SGO1: variants seen among roughly 807,000 people sequenced by gnomAD.
SGO1 encodes serologically defined breast cancer antigen NY-BR-85.
Under a neutral mutation model 50.5 loss-of-function variants are expected in SGO1, and 39 were observed. The ratio of observed to expected loss-of-function variants is 0.77; its 90% CI spans 0.60 to 1.01. SGO1 has a LOEUF of 1.01. Among genes scored for constraint, SGO1 ranks in the 50% least tolerant of loss-of-function variants. The pLI, the probability that SGO1 is intolerant of heterozygous loss-of-function variation, is 0.00. For missense variants in SGO1, 638 were observed against 606.0 expected (o/e 1.05, Z -0.55); for synonymous variants, 191 against 205.1 (o/e 0.93, Z 0.59).
chr3:20,171,638 CTTTG>C (rs1393270523), intron 6 of SGO1, among the ~76,000 whole-genome samples: 1 of 152,144 alleles, frequency 6.6e-6, no homozygotes, highest in Non-Finnish European at 1.5e-5. Context: ...GGCATAATAA[CTTTG>C]TTTAACCATG....
chr3:20,171,042 C>G lies in SGO1; in HGVS notation c.1472+1G>C, dbSNP rs760014774. 14 of 1,578,696 alleles carry G rather than the reference C, an allele frequency of 8.9e-6. No homozygotes were observed. Among genetic ancestry groups the G allele is most frequent in the East Asian group, 2.3e-5 (1 of 44,162 alleles). ...TAAGTTCCCACAAACCAAATACTTA[C>G]GAAGCGAGGGTGGGCTCCTTATAGT... On this transcript the variant is annotated splice_donor_variant, in intron 7 of 7. Transcript: ENST00000412997. LOFTEE classifies it high-confidence loss of function.
chr3:20,173,841 G>A (rs1057007686), intron 6 of SGO1, among the ~76,000 whole-genome samples: 3 of 152,098 alleles, frequency 2.0e-5, no homozygotes, highest in East Asian at 1.9e-4. Flanking sequence ...TTTAAATCAC[G>A]GTTCCTGTCA....
rs181960515 is a variant in SGO1 at position 20,181,142 on chromosome 3, G to C, written c.339+2466C>G. 1.1e-3 allele frequency among the ~76,000 whole-genome samples: 167 copies of C among 152,272 alleles called. 1 individual carries two copies. Among genetic ancestry groups the C allele is most frequent in the African/African-American group, 3.5e-3 (147 of 41,560 alleles). On this transcript the variant is annotated intron_variant, in intron 3 of 7. Transcript: ENST00000412997. ...ACTGCACCCCAGGCTGGGTAAGAGC[G>C]AGACTCTGTCCACCCCCAACCTACC...
chr3:20,179,886 A>G (rs1701815256), intron 3 of SGO1, among the ~76,000 whole-genome samples: 1 of 152,210 alleles, frequency 6.6e-6, no homozygotes, highest in Admixed American at 6.5e-5. Context: ...CCTGTTTTGC[A>G]TATTATTACT....
At chr3:20,179,227 A>C (rs1242812164) in intron 3 of SGO1, among the ~76,000 whole-genome samples, 1 of 152,156 alleles carries the variant, frequency 6.6e-6, no homozygotes. Flanking sequence ...TCTGTGGGGG[A>C]GACAAGGGGA....
At chr3:20,185,457 C>CACA (rs1702536013) in intron 1 of SGO1, among the ~76,000 whole-genome samples, 1 of 152,016 alleles carries the variant, frequency 6.6e-6, no homozygotes, top group African/African-American at 2.4e-5. Context: ...AAAGACAGAC[C>CACA]ACAGCGCGAG....
intron 5 of SGO1, 71 bp from the exon 6 acceptor site, chr3:20,175,126 A>C (rs2125310453): frequency 1.6e-5 from 21 of 1,332,650 alleles, no homozygotes; most frequent in Non-Finnish European, 2.0e-5. Flanking sequence ...GAACTTTAGA[A>C]TTCAAACTAA....
intron 6 of SGO1, among the ~76,000 whole-genome samples, chr3:20,172,501 CAAAA>C (rs60237637): frequency 3.9e-5 from 4 of 102,550 alleles, no homozygotes; most frequent in Middle Eastern, 6.1e-3. Flanking sequence ...AACTCTGTTT[CAAAA>C]AAAAAAAAAA....
intron 8 of SGO1, among the ~76,000 whole-genome samples, chr3:20,161,471 G>C (rs1700036427): frequency 2.6e-5 from 4 of 152,144 alleles, no homozygotes. Context: ...ACCAAGGATA[G>C]AATGAGTGAA....
Position 20,174,927 on chromosome 3 carries a change from T to C in SGO1, c.604A>G (p.Ile202Val), listed in dbSNP as rs747643420. 6.8e-6 allele frequency: 11 copies of C among 1,614,098 alleles called. No individual in the cohort carries two copies. Among genetic ancestry groups the C allele is most frequent in the Middle Eastern group, 1.7e-4 (1 of 6,060 alleles). Reference protein sequence around the residue: ...RSSLKKHCNSICQFDSLDDFE... With the variant: ...RSSLKKHCNSVCQFDSLDDFE... ...TCATCCAAGCTATCAAACTGACATATACTGTTACAATGTTTCTTTAAACTG... is the reference window on the plus strand; with the variant it reads ...TCATCCAAGCTATCAAACTGACATACACTGTTACAATGTTTCTTTAAACTG... Residue 202 changes from isoleucine (I) to valine (V), a missense_variant, in exon 6 of 8, where the codon ATA (isoleucine) becomes GTA (valine). By Grantham distance (29) the Ile-to-Val change is conservative. Transcript: ENST00000412997.
At chr3:20,178,748 A>C (rs1701679308) in intron 3 of SGO1, among the ~76,000 whole-genome samples, 1 of 152,188 alleles carries the variant, frequency 6.6e-6, no homozygotes, top group Non-Finnish European at 1.5e-5. Context: ...AAATACACAT[A>C]AGAAAAATCT....
At position 20,171,112 on chromosome 3, in the gene SGO1, C is replaced by T; in HGVS notation, c.1403G>A (p.Ser468Asn). The T allele has an allele frequency of 6.2e-7, 1 of 1,613,272 alleles. No individual in the cohort carries two copies. Among genetic ancestry groups the T allele is most frequent in the Non-Finnish European group, 8.5e-7 (1 of 1,179,756 alleles). Residue 468 changes from serine (S) to asparagine (N), a missense_variant, in exon 7 of 8, where the codon AGC becomes AAC. Transcript: ENST00000412997. ...LSLSPKKNKA[S>N]PAVALPKRRC... ...ACGTTTAGGCAGAGCCACTGCTGGG[C>T]TTGCTTTATTCTTTTTTGGAGAAAG... is the stretch of plus-strand genomic sequence containing the variant.
At chr3:20,162,378 T>C (rs1700082273) in intron 8 of SGO1, among the ~76,000 whole-genome samples, 1 of 152,176 alleles carries the variant, frequency 6.6e-6, no homozygotes, top group Admixed American at 6.5e-5. Context: ...CACATCTTCG[T>C]ACTGGGGGTA....
chr3:20,169,233 T>A, downstream of SGO1: 1 of 985,250 alleles, frequency 1.0e-6, no homozygotes, highest in Non-Finnish European at 1.2e-6. Flanking sequence ...TATAATTTGT[T>A]AATCATGAAC....
intron 1 of SGO1, 81 bp from the exon 2 acceptor site, chr3:20,184,115 T>C (rs1283303585): frequency 7.2e-6 from 8 of 1,106,868 alleles, no homozygotes; most frequent in Non-Finnish European, 1.0e-5. Flanking sequence ...TCATAAAGAA[T>C]GCATTAAATA....
At position 20,174,487 on chromosome 3, in the gene SGO1, G is replaced by C. The variant is rs1701138388; in HGVS notation, c.1044C>G (p.Phe348Leu). Residue 348 changes from phenylalanine (F) to leucine (L), a missense_variant, in exon 6 of 8, where the codon TTC (phenylalanine) becomes TTG (leucine). Transcript: ENST00000412997. ...NLEEGVHLTP[F>L]RQKVSNDSNR... ...TAGAGTCATTGCTCACTTTTTGTCGGAAAGGAGTAAGATGAACACCCTCTT... is the reference window on the plus strand; with the variant it reads ...TAGAGTCATTGCTCACTTTTTGTCGCAAAGGAGTAAGATGAACACCCTCTT... The C allele has an allele frequency of 3.1e-6, 5 of 1,614,108 alleles. No homozygotes were observed. The highest frequency in any genetic ancestry group is 1.7e-5 in the Admixed American group (1 of 60,016).
At chr3:20,169,327 A>T (rs1282030903), downstream of SGO1, 1 of 983,176 alleles carries the variant, frequency 1.0e-6, no homozygotes, top group African/African-American at 1.8e-5. Flanking sequence ...TATAGCAATG[A>T]CTACTGAAAA....
intron 6 of SGO1, among the ~76,000 whole-genome samples, chr3:20,173,510 G>A (rs921066950): frequency 6.6e-6 from 1 of 152,082 alleles, no homozygotes; most frequent in Non-Finnish European, 1.5e-5. Context: ...AAGTTGGTTT[G>A]GTTTTTAAGG....
upstream of SGO1, among the ~76,000 whole-genome samples, chr3:20,186,846 G>A (rs1042791822): frequency 1.3e-5 from 2 of 152,026 alleles, no homozygotes; most frequent in Non-Finnish European, 2.9e-5. Flanking sequence ...TCGGTCACAC[G>A]ATCTTCTCAA....
Sources: allele counts gnomAD v4.1 joint callset (sites outside exome capture counted in the v4.1 genomes callset), GRCh38; gene constraint gnomAD v4.1.1; transcripts MANE v1.5; gene names NCBI Gene and HGNC (gene_info 2026-07-23, HGNC 2026-07-21).